Variants in EBF1 observed in about 807,000 individuals in gnomAD.
EBF1 encodes the protein EBF transcription factor 1, also known as transcription factor COE1.
EBF1 carries 10 observed loss-of-function variants against 68.4 expected under a neutral mutation model. The observed-to-expected ratio is 0.15, with a 90% CI of 0.09 to 0.25. The LOEUF (loss-of-function observed/expected upper bound fraction) is 0.25, where lower values mean the gene tolerates loss of function less well. EBF1 is among the 10% of genes least tolerant of loss of function. The pLI is 1.00. For synonymous variants in EBF1, 298 were observed against 299.8 expected (o/e 0.99, Z 0.06); for missense variants, 509 against 794.4 (o/e 0.64, Z 4.32).
At chr5:159,036,309 A>G (rs1353448340) in intron 6 of EBF1, among the ~76,000 whole-genome samples, 3 of 152,036 alleles carry the variant, frequency 2.0e-5, no homozygotes, top group Non-Finnish European at 4.4e-5. Flanking sequence ...AACTACTTTA[A>G]AGTTCATATG....
At chr5:158,767,880 A>G (rs1218885749) in intron 10 of EBF1, among the ~76,000 whole-genome samples, 1 of 152,078 alleles carries the variant, frequency 6.6e-6, no homozygotes, top group Admixed American at 6.6e-5. Context: ...TTTTGTTACA[A>G]TTTTGGATTT....
intron 6 of EBF1, among the ~76,000 whole-genome samples, chr5:159,068,835 AT>A (rs1271500199): frequency 6.6e-6 from 1 of 152,086 alleles, no homozygotes; most frequent in Admixed American, 6.6e-5. Flanking sequence ...TTTTTCCTTT[AT>A]AGGAGACCCT....
intron 4 of EBF1, among the ~76,000 whole-genome samples, chr5:159,086,955 A>G (rs891815618): frequency 1.4e-4 from 22 of 152,036 alleles, no homozygotes; most frequent in African/African-American, 5.1e-4. Flanking sequence ...AAAACCAAAA[A>G]TTACATCTGC....
chr5:158,958,630 T>A (rs749375003), intron 6 of EBF1, among the ~76,000 whole-genome samples: 12 of 152,068 alleles, frequency 7.9e-5, no homozygotes, highest in Non-Finnish European at 7.4e-5. Flanking sequence ...CTCTCAGCAT[T>A]TTCCCCCCAC....
chr5:158,976,141 C>T (rs1756697116), intron 6 of EBF1, among the ~76,000 whole-genome samples: 1 of 152,156 alleles, frequency 6.6e-6, no homozygotes, highest in African/African-American at 2.4e-5. Flanking sequence ...GTTAGGCTGA[C>T]CTAGCCATTC....
chr5:158,939,782 C>T (rs893739904), intron 6 of EBF1, among the ~76,000 whole-genome samples: 73 of 152,242 alleles, frequency 4.8e-4, no homozygotes, highest in African/African-American at 1.7e-3. Context: ...CGAGGTAGCT[C>T]CTACCTCAGA....
chr5:158,922,927 A>C (rs531270934), intron 6 of EBF1, among the ~76,000 whole-genome samples: 4 of 152,354 alleles, frequency 2.6e-5, no homozygotes, highest in Admixed American at 2.6e-4. Context: ...GGACTTTTTG[A>C]GAATTCAAGT....
At chr5:158,858,545 A>G (rs1322109729) in intron 6 of EBF1, among the ~76,000 whole-genome samples, 2 of 152,222 alleles carry the variant, frequency 1.3e-5, no homozygotes, top group African/African-American at 4.8e-5. Context: ...ACAAACATTT[A>G]GTAGAAGCTG....
intron 6 of EBF1, among the ~76,000 whole-genome samples, chr5:158,856,701 G>A (rs1794085601): frequency 1.3e-5 from 2 of 152,108 alleles, no homozygotes; most frequent in South Asian, 4.1e-4. Flanking sequence ...CTCCATTCCT[G>A]TCCCAGGGCA....
intron 9 of EBF1, among the ~76,000 whole-genome samples, chr5:158,778,865 T>C (rs1272821580): frequency 6.6e-6 from 1 of 152,216 alleles, no homozygotes; most frequent in Non-Finnish European, 1.5e-5. Context: ...TGTTGAGGTA[T>C]GAAGAACTAT....
intron 11 of EBF1, among the ~76,000 whole-genome samples, chr5:158,724,588 C>T (rs1017942336): frequency 1.3e-4 from 20 of 152,250 alleles, no homozygotes; most frequent in African/African-American, 4.3e-4. Flanking sequence ...TTTTATTTTG[C>T]CCCAGCTCTG....
intron 6 of EBF1, among the ~76,000 whole-genome samples, chr5:158,857,501 C>T (rs189365418): frequency 6.6e-6 from 1 of 152,164 alleles, no homozygotes; most frequent in South Asian, 2.1e-4. Context: ...CAAGTATAAT[C>T]TTTTTGGTGC....
chr5:158,968,891 T>G (rs1754726625), intron 6 of EBF1, among the ~76,000 whole-genome samples: 2 of 152,168 alleles, frequency 1.3e-5, no homozygotes, highest in South Asian at 4.1e-4. Context: ...CTGAAGTCCC[T>G]AGCACCCCTC....
chr5:158,794,258 C>G (rs1779218094), intron 9 of EBF1, among the ~76,000 whole-genome samples: 1 of 152,100 alleles, frequency 6.6e-6, no homozygotes, highest in Admixed American at 6.5e-5. Flanking sequence ...GGCAGTGGCA[C>G]TGGAGGGACA....
At chr5:158,761,476 C>T (rs1442868794) in intron 10 of EBF1, among the ~76,000 whole-genome samples, 1 of 152,196 alleles carries the variant, frequency 6.6e-6, no homozygotes, top group African/African-American at 2.4e-5. Flanking sequence ...AGAGAATGCT[C>T]AGTGGTAACT....
intron 11 of EBF1, among the ~76,000 whole-genome samples, chr5:158,728,858 C>T (rs1160640098): frequency 6.6e-6 from 1 of 152,128 alleles, no homozygotes; most frequent in Non-Finnish European, 1.5e-5. Flanking sequence ...AGCCACTGCT[C>T]GATAAGTATT....
At chr5:159,064,981 T>C (rs556276385) in intron 6 of EBF1, among the ~76,000 whole-genome samples, 3 of 139,686 alleles carry the variant, frequency 2.1e-5, no homozygotes, top group African/African-American at 7.9e-5. Flanking sequence ...TGTGTGTAGC[T>C]AAACCTGATG....
chr5:158,991,539 C>T (rs186430156), intron 6 of EBF1, among the ~76,000 whole-genome samples: 340 of 152,294 alleles, frequency 2.2e-3, no homozygotes, highest in Non-Finnish European at 3.7e-3. Flanking sequence ...AAGAAGCGCG[C>T]ACACACAATT....
At chr5:158,844,293 C>T (rs757235524) in intron 6 of EBF1, among the ~76,000 whole-genome samples, 18 of 148,928 alleles carry the variant, frequency 1.2e-4, no homozygotes, top group Non-Finnish European at 5.9e-5. Flanking sequence ...TCATGTAATG[C>T]GTTAATTATT....
Sources: allele counts gnomAD v4.1 joint callset (sites outside exome capture counted in the v4.1 genomes callset), GRCh38; gene constraint gnomAD v4.1.1; transcripts MANE v1.5; gene names NCBI Gene and HGNC (gene_info 2026-07-23, HGNC 2026-07-21).